The following MED27 variants were observed in gnomAD, a reference collection of about 807,000 sequenced individuals.
The protein encoded by MED27 is mediator complex subunit 27.
Under a neutral mutation model 38.2 loss-of-function variants are expected in MED27, and 30 were observed. That is an observed-to-expected ratio of 0.79 (90% confidence interval 0.59 to 1.07). The LOEUF (loss-of-function observed/expected upper bound fraction) is 1.07, where lower values mean the gene tolerates loss of function less well. Among genes scored for constraint, MED27 ranks in the 50% least tolerant of loss-of-function variants. The pLI, the probability that MED27 is intolerant of heterozygous loss-of-function variation, is 0.00. For missense variants in MED27, 289 were observed against 397.5 expected (o/e 0.73, Z 2.32); for synonymous variants, 122 against 153.5 (o/e 0.79, Z 1.52).
intron 3 of MED27, among the ~76,000 whole-genome samples, chr9:131,991,380 G>C (rs1831969059): frequency 6.6e-6 from 1 of 152,146 alleles, no homozygotes; most frequent in African/African-American, 2.4e-5. Context: ...GAAATTCAAA[G>C]CCTCTATTTT....
Position 131,860,661 on chromosome 9 carries a change from T to C in MED27, c.813A>G (p.Arg271=). The part of the protein sequence containing the change: ...VVVRSFMTWL[R]SYIKLFQAPC... ...GGGCCTGGAACAGCTTTATGTAACTTCTTAACCAGGTCTAAAAAGAGAAAC... is the reference window on the plus strand; with the variant it reads ...GGGCCTGGAACAGCTTTATGTAACTCCTTAACCAGGTCTAAAAAGAGAAAC... The change falls in exon 8 of 8, where the codon AGA becomes AGG. Residue 271 remains arginine (R), a synonymous_variant. Transcript: ENST00000292035. This position sits in a 1 kb window ranked among gnomAD's most constrained non-coding sequence, Gnocchi z 5.8. 6.2e-7 allele frequency: 1 copy of C among 1,613,378 alleles called. No individual in the cohort carries two copies. The highest frequency in any genetic ancestry group is 2.2e-5 in the East Asian group (1 of 44,840).
rs1163016936 is a variant in MED27, at chr9:132,036,537, G to A, written c.349-22070C>T. ...TTCTGTCTGTCTTGGTCATTCATATGTCACTCGTGCCGGCATGCGCTGCTT... is the reference window on the plus strand; with the variant it reads ...TTCTGTCTGTCTTGGTCATTCATATATCACTCGTGCCGGCATGCGCTGCTT... On this transcript the variant is annotated intron_variant, in intron 2 of 7. Transcript: ENST00000292035. Among the ~76,000 whole-genome samples, 3 of 152,158 alleles carry A rather than the reference G, an allele frequency of 2.0e-5. No homozygotes were observed. The East Asian group carries it at 5.8e-4, about 29-fold the overall frequency.
intron 3 of MED27, among the ~76,000 whole-genome samples, chr9:131,990,944 C>A (rs991766952): frequency 6.6e-6 from 1 of 152,226 alleles, no homozygotes; most frequent in African/African-American, 2.4e-5. Flanking sequence ...ATCAATGTAA[C>A]TGGCATTACA....
In MED27 at chr9:132,075,719, A is replaced by T. The variant is rs144301275; in HGVS notation, c.348+1723T>A. The stretch of plus-strand genomic sequence containing the variant: ...TGAGATCAGCCTGAATCTTCTCACC[A>T]CTGAATAGCCCTTGTCACTGTAGCC... On this transcript the variant is annotated intron_variant, in intron 2 of 7. Coordinates refer to ENST00000292035, the MANE Select transcript of MED27 (RefSeq NM_004269.4). Among the ~76,000 whole-genome samples the T allele has an allele frequency of 4.6e-5, 7 of 152,298 alleles. No individual in the cohort carries two copies. In the East Asian group the frequency reaches 1.3e-3, roughly 29 times the overall value.
chr9:132,035,286 T>G (rs181608968), intron 2 of MED27, among the ~76,000 whole-genome samples: 32 of 152,316 alleles, frequency 2.1e-4, no homozygotes, highest in South Asian at 2.1e-3. Flanking sequence ...TAATGAATAA[T>G]GAATATTAAT....
Position 131,861,030 on chromosome 9 carries a change from C to T in MED27, c.802-358G>A, listed in dbSNP as rs1190606038. Among the ~76,000 whole-genome samples the T allele has an allele frequency of 6.6e-6, 1 of 152,094 alleles. No individual in the cohort carries two copies. The highest frequency in any genetic ancestry group is 1.5e-5 in the Non-Finnish European group (1 of 68,022). ...ATGTCTTCTGAATGTCAGTATCCAT[C>T]CTCTTCTCCTTGCCCACTACTAAGA... On this transcript the variant is annotated intron_variant, in intron 7 of 7. Transcript: ENST00000292035. This position sits in a 1 kb window ranked among gnomAD's most constrained non-coding sequence, Gnocchi z 4.4.
At chr9:132,002,620 C>T (rs1832262200) in intron 3 of MED27, among the ~76,000 whole-genome samples, 1 of 152,082 alleles carries the variant, frequency 6.6e-6, no homozygotes, top group South Asian at 2.1e-4. Flanking sequence ...ATCAAGAAAC[C>T]ATCAAAATTG....
intron 3 of MED27, among the ~76,000 whole-genome samples, chr9:131,986,464 G>A (rs1589250718): frequency 1.3e-5 from 2 of 152,258 alleles, no homozygotes; most frequent in Admixed American, 1.3e-4. Flanking sequence ...TTACAGGCAT[G>A]AGCCACTGCA....
chr9:131,939,001 C>A (rs1830733833), intron 4 of MED27, among the ~76,000 whole-genome samples: 2 of 152,196 alleles, frequency 1.3e-5, no homozygotes, highest in Admixed American at 1.3e-4. Flanking sequence ...GCGTGAGTCA[C>A]CGCGCCTGGC....
At chr9:131,894,803 A>G (rs577889121) in intron 4 of MED27, among the ~76,000 whole-genome samples, 23 of 151,942 alleles carry the variant, frequency 1.5e-4, no homozygotes, top group East Asian at 7.8e-4. Flanking sequence ...TTTATCCCCA[A>G]TGTGGTGTTG....
chr9:131,907,451 C>T (rs112789746), intron 4 of MED27, among the ~76,000 whole-genome samples: 3,670 of 152,302 alleles, frequency 0.024, 151 homozygotes, highest in African/African-American at 0.083. Context: ...ATCTCCTAAC[C>T]GTGAGTGATC....
At chr9:131,969,751 G>T (rs1831435070) in intron 3 of MED27, among the ~76,000 whole-genome samples, 1 of 152,168 alleles carries the variant, frequency 6.6e-6, no homozygotes, top group South Asian at 2.1e-4. Flanking sequence ...GCTACTTGGA[G>T]GTGGTCAGGA....
chr9:131,970,764 A>G lies in MED27; in HGVS notation c.480-31290T>C, dbSNP rs548262928. ...CAAATTAAAAGAGACATAAGAGCAA[A>G]GAGACATCACAGAAAGCACAGCAAG... is the stretch of plus-strand genomic sequence containing the variant. On this transcript the variant is annotated intron_variant, in intron 3 of 7. Transcript: ENST00000292035. 1.6e-4 allele frequency among the ~76,000 whole-genome samples: 25 copies of G among 152,360 alleles called. 1 individual carries two copies. The highest frequency in any genetic ancestry group is 6.8e-3 in the Middle Eastern group (2 of 294).
chr9:131,871,029 A>G (rs1029320040), intron 6 of MED27, among the ~76,000 whole-genome samples: 1 of 152,186 alleles, frequency 6.6e-6, no homozygotes, highest in Non-Finnish European at 1.5e-5. Context: ...AGTGTGAGAA[A>G]AGGTGCAGGG....
In MED27 at chr9:132,079,777, G is replaced by C; in HGVS notation, c.68C>G (p.Ala23Gly). 6.2e-7 allele frequency: 1 copy of C among 1,614,126 alleles called. No individual in the cohort carries two copies. The highest frequency in any genetic ancestry group is 8.5e-7 in the Non-Finnish European group (1 of 1,180,006). ...AFSQAISAIQ[A>G]LRSSVSRVFD... Reference sequence around the variant, plus strand: ...CACCCTGCTCACGCTGGAGCGCAGCGCCTGGATGGCACTAATGGCCTGGGA... The same window carrying C: ...CACCCTGCTCACGCTGGAGCGCAGCCCCTGGATGGCACTAATGGCCTGGGA... The change falls in exon 1 of 8, where the codon GCG becomes GGG. Residue 23 changes from alanine (A) to glycine (G), a missense_variant. By Grantham distance (60) the Ala-to-Gly change is moderately conservative. Transcript: ENST00000292035.
At chr9:132,062,603 G>T (rs1055256572) in intron 2 of MED27, among the ~76,000 whole-genome samples, 3 of 143,098 alleles carry the variant, frequency 2.1e-5, no homozygotes, top group African/African-American at 7.7e-5. Context: ...GCACGAGAAG[G>T]AGTCATCAAT....
chr9:131,999,351 CAG>C (rs1400325467), intron 3 of MED27, among the ~76,000 whole-genome samples: 1 of 152,126 alleles, frequency 6.6e-6, no homozygotes, highest in African/African-American at 2.4e-5. Context: ...CCATCAATGT[CAG>C]AGACTAGGTC....
chr9:132,025,664 T>C (rs758689919), intron 2 of MED27, among the ~76,000 whole-genome samples: 13 of 152,220 alleles, frequency 8.5e-5, no homozygotes, highest in Non-Finnish European at 1.8e-4. Context: ...TCTCTTCTAC[T>C]ATTGGGGATA....
chr9:131,987,235 C>T (rs914564046), intron 3 of MED27, among the ~76,000 whole-genome samples: 1 of 152,088 alleles, frequency 6.6e-6, no homozygotes, highest in South Asian at 2.1e-4. Context: ...GCATCTTTTA[C>T]TAGTTTTAAC....
Sources: allele counts gnomAD v4.1 joint callset (sites outside exome capture counted in the v4.1 genomes callset), GRCh38; gene constraint gnomAD v4.1.1; non-coding constraint Gnocchi (gnomAD v3.1); transcripts MANE v1.5; gene names NCBI Gene and HGNC (gene_info 2026-07-23, HGNC 2026-07-21).